NCAM1: variants seen among roughly 807,000 people sequenced by gnomAD.
NCAM1 encodes antigen recognized by monoclonal antibody 5.1H11.
NCAM1 carries 14 observed loss-of-function variants against 109.8 expected under a neutral mutation model. That is an observed-to-expected ratio of 0.13 (90% CI 0.08 to 0.20). The LOEUF (loss-of-function observed/expected upper bound fraction) is 0.20. Among genes scored for constraint, NCAM1 ranks in the 10% least tolerant of loss-of-function variants. The pLI is 1.00. For missense variants in NCAM1, 774 were observed against 1,109.9 expected, an observed-to-expected ratio of 0.70 and a Z score of 4.30; for synonymous variants, 418 against 442.9, an observed-to-expected ratio of 0.94 and a Z score of 0.70.
chr11:113,120,700 G>A (rs541209539), intron 1 of NCAM1, among the ~76,000 whole-genome samples: 25 of 152,270 alleles, frequency 1.6e-4, no homozygotes, highest in Non-Finnish European at 2.9e-4. Flanking sequence ...TGTAACAAAA[G>A]ACAGGTTAAC....
chr11:113,017,077 T>A (rs1448260000), intron 1 of NCAM1, among the ~76,000 whole-genome samples: 1 of 152,192 alleles, frequency 6.6e-6, no homozygotes, highest in African/African-American at 2.4e-5. Context: ...TTTGTCAACG[T>A]GTTGCAACAA....
intron 1 of NCAM1, among the ~76,000 whole-genome samples, chr11:112,982,324 G>A (rs1221167856): frequency 1.3e-5 from 2 of 151,924 alleles, no homozygotes; most frequent in Non-Finnish European, 2.9e-5. Context: ...TTTGTAAAAA[G>A]GGTGCTAGCT....
chr11:113,160,227 C>T lies in NCAM1; in HGVS notation c.53-42152C>T, dbSNP rs117872942. Reference sequence around the variant, plus strand: ...AGTCTTTGAACACCAAGCTTAGGAACGCAGCTTTGGACAATCTCTCACCAC... The same window carrying T: ...AGTCTTTGAACACCAAGCTTAGGAATGCAGCTTTGGACAATCTCTCACCAC... On this transcript the variant is annotated intron_variant, in intron 1 of 19. Coordinates refer to ENST00000316851, the MANE Select transcript of NCAM1 (RefSeq NM_181351.5). 2.7e-4 allele frequency among the ~76,000 whole-genome samples: 41 copies of T among 152,228 alleles called. No homozygotes were observed. The East Asian group carries it at 5.4e-3, about 20-fold the overall frequency.
chr11:113,075,028 C>A (rs548997848), intron 1 of NCAM1, among the ~76,000 whole-genome samples: 1 of 152,150 alleles, frequency 6.6e-6, no homozygotes, highest in African/African-American at 2.4e-5. Context: ...GTAAAAAGAG[C>A]CCCTTCCTGA....
At chr11:113,023,596 A>G (rs112386180) in intron 1 of NCAM1, among the ~76,000 whole-genome samples, 3 of 152,332 alleles carry the variant, frequency 2.0e-5, no homozygotes, top group African/African-American at 7.2e-5. Context: ...AAAAAGAAGT[A>G]GCTTTAAACC....
chr11:113,204,337 A>T lies in NCAM1; in HGVS notation c.179A>T (p.Glu60Val). ...KDISWFSPNG[E>V]KLTPNQQRIS... ...ATCTCCTGGTTCTCCCCCAATGGAG[A>T]AAAGCTCACCCCAAACCAGCAGCGG... is the stretch of plus-strand genomic sequence containing the variant. Residue 60 changes from glutamate (E) to valine (V), a missense_variant, in exon 3 of 20, where the codon GAA becomes GTA. Transcript: ENST00000316851. 1.2e-6 allele frequency: 2 copies of T among 1,613,890 alleles called. No individual in the cohort carries two copies. The highest frequency in any genetic ancestry group is 1.7e-6 in the Non-Finnish European group (2 of 1,179,846).
At chr11:113,260,430 T>A in intron 17 of NCAM1, 107 bp downstream of exon 17, 1 of 1,228,898 alleles carries the variant, frequency 8.1e-7, no homozygotes, top group Non-Finnish European at 1.1e-6. Flanking sequence ...CTTACAGCCA[T>A]CCTCATGATT....
chr11:113,177,133 G>A (rs1420812648), intron 1 of NCAM1, among the ~76,000 whole-genome samples: 1 of 152,108 alleles, frequency 6.6e-6, no homozygotes, highest in South Asian at 2.1e-4. Context: ...GTTTTTTCTG[G>A]CTGCCTATGA....
At chr11:113,104,201 G>T (rs1409084088) in intron 1 of NCAM1, among the ~76,000 whole-genome samples, 2 of 124,838 alleles carry the variant, frequency 1.6e-5, no homozygotes, top group East Asian at 5.9e-4. Context: ...TGAAGAGGAG[G>T]TGGGGTGGGG....
chr11:113,275,079 T>A (rs965802669), intron 19 of NCAM1, among the ~76,000 whole-genome samples, 188 bp from the exon 20 acceptor site: 30 of 152,214 alleles, frequency 2.0e-4, no homozygotes, highest in Non-Finnish European at 3.8e-4. Flanking sequence ...TAAATCAGGA[T>A]TTCCGCGAAC....
intron 9 of NCAM1, 90 bp from the exon 10 acceptor site, chr11:113,231,555 T>C (rs1945006105): frequency 3.8e-6 from 5 of 1,314,088 alleles, no homozygotes; most frequent in Non-Finnish European, 5.3e-6. Context: ...AGTGATGGCC[T>C]AGTCTCCCAG....
chr11:113,064,552 G>A (rs1288768401), intron 1 of NCAM1, among the ~76,000 whole-genome samples: 1 of 151,876 alleles, frequency 6.6e-6, no homozygotes. Context: ...TTGCATGTTA[G>A]ATTCTGTTTT....
chr11:113,109,523 G>A (rs1940343744), intron 1 of NCAM1, among the ~76,000 whole-genome samples: 1 of 152,076 alleles, frequency 6.6e-6, no homozygotes, highest in African/African-American at 2.4e-5. Flanking sequence ...ATTTCATTCT[G>A]AAAATGTATA....
intron 7 of NCAM1, among the ~76,000 whole-genome samples, chr11:113,212,621 C>T (rs113806703): frequency 7.9e-5 from 12 of 152,140 alleles, no homozygotes; most frequent in Non-Finnish European, 4.4e-5. Flanking sequence ...TTGAGTTTAG[C>T]GAATTCAGTT....
In NCAM1 at chr11:113,121,537, C is replaced by CAAAAAAAAAAAAAAAAAAAAAAAAAAA. The variant is rs3051887; in HGVS notation, c.53-80821_53-80820insAAAAAAAAAAAAAAAAAAAAAAAAAAA. ...TGCCTGGCCAACACCACCAATCTTA[C>CAAAAAAAAAAAAAAAAAAAAAAAAAAA]AAAAAAAAAAAAAAAAAAAAAGGCA... On this transcript the variant is annotated intron_variant, in intron 1 of 19. Coordinates refer to ENST00000316851, the MANE Select transcript of NCAM1 (RefSeq NM_181351.5). Among the ~76,000 whole-genome samples, 2 of 92,434 alleles carry CAAAAAAAAAAAAAAAAAAAAAAAAAAA rather than the reference C, an allele frequency of 2.2e-5. 1 individual carries two copies. The highest frequency in any genetic ancestry group is 9.1e-5 in the African/African-American group (2 of 22,002). 60.6% of individuals were successfully genotyped at this position (92,434 alleles called of 152,430 possible).
intron 14 of NCAM1, among the ~76,000 whole-genome samples, chr11:113,243,211 A>T (rs1945390288): frequency 1.3e-5 from 2 of 152,358 alleles, no homozygotes; most frequent in South Asian, 4.1e-4. Flanking sequence ...ACACACGCTC[A>T]TGCGCGTGTT....
Position 113,260,281 on chromosome 11 carries a change from C to T in NCAM1, c.2089C>T (p.His697Tyr). 1 of 1,613,964 alleles carries T rather than the reference C, an allele frequency of 6.2e-7. No individual in the cohort carries two copies. Among genetic ancestry groups the T allele is most frequent in the East Asian group, 2.2e-5 (1 of 44,868 alleles). The change falls in exon 17 of 20, where the codon CAT becomes TAT. Residue 697 changes from histidine to tyrosine, a missense_variant. Physicochemically the swap from His to Tyr is moderately conservative, Grantham distance 83. Coordinates refer to ENST00000316851, the MANE Select transcript of NCAM1 (RefSeq NM_181351.5). ...CCAGCAAGGAAAATCCAAGGCGGCT[C>T]ATTTTGTGTTCAGGACCTCGGCCCA... ...ENQQGKSKAA[H>Y]FVFRTSAQPT...
intron 15 of NCAM1, among the ~76,000 whole-genome samples, chr11:113,252,061 A>G (rs545903940): frequency 6.6e-6 from 1 of 152,360 alleles, no homozygotes; most frequent in South Asian, 2.1e-4. Flanking sequence ...AGCAAGTTAC[A>G]GAGCCACCAA....
At chr11:113,185,657 A>G (rs1010659445) in intron 1 of NCAM1, among the ~76,000 whole-genome samples, 1 of 152,256 alleles carries the variant, frequency 6.6e-6, no homozygotes, top group East Asian at 1.9e-4. Context: ...AACGTAATAC[A>G]TGGCCAAGTA....
Sources: allele counts gnomAD v4.1 joint callset (sites outside exome capture counted in the v4.1 genomes callset), GRCh38; gene constraint gnomAD v4.1.1; transcripts MANE v1.5; gene names NCBI Gene and HGNC (gene_info 2026-07-23, HGNC 2026-07-21).